Variants in EPHA5 observed in about 807,000 individuals in gnomAD.
The protein encoded by EPHA5 is EPH receptor A5.
EPHA5 carries 60 observed loss-of-function variants against 105.0 expected under a neutral mutation model. The ratio of observed to expected loss-of-function variants is 0.57; its 90% CI spans 0.46 to 0.71. The LOEUF is 0.71. EPHA5 is among the 30% of genes least tolerant of loss of function. The pLI, the probability that EPHA5 is intolerant of heterozygous loss-of-function variation, is 0.00. For missense variants in EPHA5, 1,218 were observed against 1,274.7 expected (o/e 0.96, Z 0.68); for synonymous variants, 513 against 449.1 (o/e 1.14, Z -1.80).
At chr4:65,399,278 C>T (rs1721576736) in intron 8 of EPHA5, among the ~76,000 whole-genome samples, 1 of 152,338 alleles carries the variant, frequency 6.6e-6, no homozygotes. Context: ...ACCCACCCCT[C>T]CACAGCAGGA....
At chr4:65,353,325 T>C (rs1404552792) in intron 11 of EPHA5, among the ~76,000 whole-genome samples, 2 of 147,880 alleles carry the variant, frequency 1.4e-5, no homozygotes, top group East Asian at 2.0e-4. Context: ...ATTTTTAATA[T>C]ATTTAATATT....
At chr4:65,429,005 C>A (rs183980147) in intron 5 of EPHA5, among the ~76,000 whole-genome samples, 1 of 151,894 alleles carries the variant, frequency 6.6e-6, no homozygotes, top group Non-Finnish European at 1.5e-5. Context: ...AATCTCACAC[C>A]AAATTAATTG....
At position 65,490,682 on chromosome 4, in the gene EPHA5, G is replaced by A. The variant is rs1731319564; in HGVS notation, c.1097C>T (p.Ser366Leu). 6.2e-7 allele frequency: 1 copy of A among 1,613,842 alleles called. No homozygotes were observed. The highest frequency in any genetic ancestry group is 8.5e-7 in the Non-Finnish European group (1 of 1,179,882). The part of the protein sequence containing the change: ...RPPSAPRNAI[S>L]NVNETSVFLE... ...AAAGACACTAGTTTCATTAACATTT[G>A]AGATGGCATTCCGAGGAGCAGAGGG... The change falls in exon 5 of 17, where the codon TCA (serine) becomes TTA (leucine). Residue 366 changes from serine to leucine, a missense_variant. Physicochemically the swap from Ser to Leu is moderately radical, Grantham distance 145. Coordinates refer to ENST00000613740, the MANE Select transcript of EPHA5 (RefSeq NM_001281766.3).
In EPHA5 at chr4:65,601,760, T is replaced by G. The variant is rs1226488146; in HGVS notation, c.791A>C (p.Asn264Thr). ...GGGAGGTTCATCGGTCACAGAATGG[T>G]TGACACAGGAGCCTGACACTTCGAG... is the stretch of plus-strand genomic sequence containing the variant. ...QLLEVSGSCVNHSVTDEPPKM... is the reference protein window; with the variant it reads ...QLLEVSGSCVTHSVTDEPPKM... Residue 264 changes from asparagine (N) to threonine (T), a missense_variant, in exon 3 of 17, where the codon AAC becomes ACC. Physicochemically the swap from Asn to Thr is moderately conservative, Grantham distance 65 (BLOSUM62 0). Transcript: ENST00000613740. The G allele has an allele frequency of 6.2e-7, 1 of 1,614,128 alleles. No individual in the cohort carries two copies. Among genetic ancestry groups the G allele is most frequent in the Non-Finnish European group, 8.5e-7 (1 of 1,180,014 alleles).
intron 5 of EPHA5, among the ~76,000 whole-genome samples, chr4:65,453,483 A>G: frequency 6.6e-6 from 1 of 152,132 alleles, no homozygotes; most frequent in South Asian, 2.1e-4. Flanking sequence ...ATAAACAGAA[A>G]CACCTGAAAT....
intron 11 of EPHA5, 91 bp from the exon 12 acceptor site, chr4:65,353,194 A>G (rs1243368563): frequency 1.5e-5 from 5 of 328,208 alleles, no homozygotes; most frequent in Middle Eastern, 5.0e-4. Flanking sequence ...ATTAGTGTCA[A>G]AATTGTATAT....
chr4:65,552,754 T>C (rs963165712), intron 3 of EPHA5, among the ~76,000 whole-genome samples: 2 of 152,186 alleles, frequency 1.3e-5, no homozygotes, highest in Non-Finnish European at 2.9e-5. Flanking sequence ...TGTTTTGTTT[T>C]CCTTTCTAAT....
At chr4:65,558,710 G>A (rs1405842742) in intron 3 of EPHA5, among the ~76,000 whole-genome samples, 1 of 151,824 alleles carries the variant, frequency 6.6e-6, no homozygotes, top group Non-Finnish European at 1.5e-5. Context: ...CCCCACAACA[G>A]GCCCTGGTGT....
At chr4:65,390,145 T>C (rs1156361373) in intron 8 of EPHA5, among the ~76,000 whole-genome samples, 2 of 152,022 alleles carry the variant, frequency 1.3e-5, no homozygotes, top group Non-Finnish European at 2.9e-5. Flanking sequence ...GCCCCTCTCA[T>C]GGCTAGCCAG....
intron 3 of EPHA5, among the ~76,000 whole-genome samples, chr4:65,584,643 A>G (rs1398434771): frequency 6.6e-6 from 1 of 152,002 alleles, no homozygotes. Flanking sequence ...CACATTTTAA[A>G]TGACAATGTT....
In EPHA5 at chr4:65,353,033, C is replaced by T. The variant is rs2148860265; in HGVS notation, c.2235+9G>A. ...CACCTTGAATAACTAAATTATTCCC[C>T]AATCCTACCTTCAAAAATGTATCTA... On this transcript the variant is annotated intron_variant, in intron 12 of 16. Transcript: ENST00000613740. 1 of 1,519,160 alleles carries T rather than the reference C, an allele frequency of 6.6e-7. No individual in the cohort carries two copies. Among genetic ancestry groups the T allele is most frequent in the Non-Finnish European group, 8.9e-7 (1 of 1,122,578 alleles). 94.1% of individuals were successfully genotyped at this position (1,519,160 alleles called of 1,614,324 possible).
At chr4:65,646,302 C>A (rs760171233) in intron 1 of EPHA5, among the ~76,000 whole-genome samples, 38 of 152,124 alleles carry the variant, frequency 2.5e-4, no homozygotes, top group Non-Finnish European at 5.0e-4. Flanking sequence ...CGCCTATGAA[C>A]CTAGCCTCAG....
In EPHA5 at chr4:65,584,378, A is replaced by G. The variant is rs895201582; in HGVS notation, c.910+17263T>C. On this transcript the variant is annotated intron_variant, in intron 3 of 16. Transcript: ENST00000613740. ...AGTAATTTAAATATATTTTTAAAAT[A>G]CAAAATAATATTTCAAATTTCTTTT... 1.3e-5 allele frequency among the ~76,000 whole-genome samples: 2 copies of G among 151,934 alleles called. 1 individual carries two copies. The highest frequency in any genetic ancestry group is 4.1e-4 in the South Asian group (2 of 4,838).
At chr4:65,404,511 G>GT (rs1470132926) in intron 7 of EPHA5, 32 bp from the exon 8 acceptor site, 1 of 1,593,510 alleles carries the variant, frequency 6.3e-7, no homozygotes, top group Non-Finnish European at 8.6e-7. Flanking sequence ...GGAGCTTGTG[G>GT]TTAAAGTGAT....
intron 3 of EPHA5, among the ~76,000 whole-genome samples, chr4:65,530,624 A>T (rs1482223262): frequency 2.6e-5 from 4 of 152,210 alleles, no homozygotes; most frequent in Non-Finnish European, 5.9e-5. Flanking sequence ...GCTTATGTGG[A>T]TAGCGAAGAA....
At chr4:65,503,541 A>G (rs1182454053) in intron 3 of EPHA5, among the ~76,000 whole-genome samples, 2 of 151,514 alleles carry the variant, frequency 1.3e-5, no homozygotes, top group Non-Finnish European at 2.9e-5. Context: ...AATACTATTG[A>G]AAAATCATTA....
At chr4:65,599,133 G>A (rs1477705391) in intron 3 of EPHA5, among the ~76,000 whole-genome samples, 1 of 152,062 alleles carries the variant, frequency 6.6e-6, no homozygotes, top group South Asian at 2.1e-4. Context: ...GAAGGAAATA[G>A]AAGTAGATGA....
At chr4:65,532,827 T>G (rs530839128) in intron 3 of EPHA5, among the ~76,000 whole-genome samples, 4 of 151,906 alleles carry the variant, frequency 2.6e-5, no homozygotes, top group South Asian at 2.1e-4. Flanking sequence ...TAGGCATAGT[T>G]TTTTAATGGT....
At chr4:65,593,266 A>G (rs1742852283) in intron 3 of EPHA5, among the ~76,000 whole-genome samples, 2 of 152,148 alleles carry the variant, frequency 1.3e-5, no homozygotes, top group Non-Finnish European at 2.9e-5. Flanking sequence ...TTTGAGGGGG[A>G]GAAATATTTA....
Sources: gnomAD v4.1 joint callset for allele counts (sites outside exome capture counted in the v4.1 genomes callset) on GRCh38, gnomAD v4.1.1 for gene constraint, MANE v1.5 for transcripts, NCBI Gene and HGNC (gene_info 2026-07-23, HGNC 2026-07-21) for gene names.